HRH1: variants seen among roughly 807,000 people sequenced by gnomAD.
The protein encoded by HRH1 is histamine receptor H1, also known as histamine H1 receptor.
HRH1 carries 6 observed loss-of-function variants against 10.3 expected under a neutral mutation model. The observed-to-expected ratio is 0.58, with a 90% confidence interval of 0.32 to 1.15. The LOEUF (loss-of-function observed/expected upper bound fraction) is 1.15, where lower values mean the gene tolerates loss of function less well. Ranked by LOEUF, HRH1 falls within the 50% of genes most tolerant of loss-of-function variation. The pLI is 0.05. For synonymous variants in HRH1, 242 were observed against 236.7 expected, an observed-to-expected ratio of 1.02 and a Z score of -0.21; for missense variants, 514 against 615.3, an observed-to-expected ratio of 0.84 and a Z score of 1.74.
chr3:11,168,129 AT>A (rs1358838864), intron 1 of HRH1, among the ~76,000 whole-genome samples: 1 of 152,170 alleles, frequency 6.6e-6, no homozygotes, highest in East Asian at 1.9e-4. Flanking sequence ...GCATGCCCGT[AT>A]CTCAGTGGAA....
chr3:11,174,268 T>G (rs1937208368), intron 1 of HRH1, among the ~76,000 whole-genome samples: 1 of 152,192 alleles, frequency 6.6e-6, no homozygotes, highest in Non-Finnish European at 1.5e-5. Context: ...TGCTAGCACT[T>G]GATCAAGACC....
chr3:11,187,483 T>C (rs1937469039), intron 1 of HRH1, among the ~76,000 whole-genome samples: 1 of 152,074 alleles, frequency 6.6e-6, no homozygotes, highest in Non-Finnish European at 1.5e-5. Context: ...CCACTCAACG[T>C]TACTGAGCCC....
chr3:11,250,721 C>T (rs770535726), intron 1 of HRH1, among the ~76,000 whole-genome samples: 13 of 152,188 alleles, frequency 8.5e-5, no homozygotes, highest in Non-Finnish European at 1.5e-4. Context: ...TAAAAAGCAT[C>T]TCATAAGGGG....
intron 1 of HRH1, among the ~76,000 whole-genome samples, chr3:11,228,450 A>G (rs1938953273): frequency 6.6e-6 from 1 of 152,168 alleles, no homozygotes; most frequent in African/African-American, 2.4e-5. Flanking sequence ...AATCAAATCC[A>G]GGAGTGGTGA....
chr3:11,206,299 G>A (rs996454929), intron 1 of HRH1, among the ~76,000 whole-genome samples: 1 of 152,182 alleles, frequency 6.6e-6, no homozygotes, highest in East Asian at 1.9e-4. Flanking sequence ...TATATTTTTA[G>A]TAGAGACAGA....
intron 1 of HRH1, among the ~76,000 whole-genome samples, chr3:11,208,868 G>A (rs548305223): frequency 1.3e-5 from 2 of 152,274 alleles, no homozygotes; most frequent in East Asian, 3.9e-4. Flanking sequence ...CCTGTGGGAT[G>A]AAAGATTCTC....
rs564200855 is a variant in HRH1, at chr3:11,239,841, T to C, written c.-35-19162T>C. Among the ~76,000 whole-genome samples, 361 of 152,034 alleles carry C rather than the reference T, an allele frequency of 2.4e-3. 3 individuals are homozygous for C. Among genetic ancestry groups the C allele is most frequent in the Non-Finnish European group, 3.4e-3 (230 of 67,946 alleles). The stretch of plus-strand genomic sequence containing the variant: ...CCCCCCACCCCCACTTAACCCCACT[T>C]ATAAAATCTGGAGATTTTGCATGAA... On this transcript the variant is annotated intron_variant, in intron 1 of 1. Transcript: ENST00000431010.
chr3:11,249,402 C>CAA (rs4037602), intron 1 of HRH1, among the ~76,000 whole-genome samples: 2,227 of 71,768 alleles, frequency 0.031, 52 homozygotes, highest in Middle Eastern at 0.061. Flanking sequence ...GACTCTGTCT[C>CAA]AAAAAAAAAA....
At chr3:11,219,497 A>G (rs1263593124) in intron 1 of HRH1, among the ~76,000 whole-genome samples, 1 of 151,908 alleles carries the variant, frequency 6.6e-6, no homozygotes, top group African/African-American at 2.4e-5. Context: ...GCGGAGCACG[A>G]GGTCAGGAGT....
At chr3:11,209,733 T>G (rs781320664) in intron 1 of HRH1, among the ~76,000 whole-genome samples, 5 of 152,234 alleles carry the variant, frequency 3.3e-5, no homozygotes, top group African/African-American at 7.2e-5. Flanking sequence ...TCTTGCTGTG[T>G]CCTCACATAG....
At chr3:11,201,034 G>A (rs1937885598) in intron 1 of HRH1, among the ~76,000 whole-genome samples, 1 of 152,186 alleles carries the variant, frequency 6.6e-6, no homozygotes, top group South Asian at 2.1e-4. Flanking sequence ...TCAGAAAGAT[G>A]CCCCTGCCCT....
intron 1 of HRH1, among the ~76,000 whole-genome samples, chr3:11,196,571 A>G (rs1433110476): frequency 6.6e-6 from 1 of 152,120 alleles, no homozygotes; most frequent in Non-Finnish European, 1.5e-5. Context: ...TGATAGGGAC[A>G]TGCCTGTTTA....
At chr3:11,201,665 G>C (rs1937916178) in intron 1 of HRH1, among the ~76,000 whole-genome samples, 1 of 152,186 alleles carries the variant, frequency 6.6e-6, no homozygotes, top group Non-Finnish European at 1.5e-5. Flanking sequence ...TCGGAGAAGG[G>C]CTGTCTGAAA....
intron 1 of HRH1, among the ~76,000 whole-genome samples, chr3:11,195,702 C>T (rs965312630): frequency 2.3e-4 from 35 of 152,202 alleles, no homozygotes; most frequent in African/African-American, 7.5e-4. Flanking sequence ...TAAACCACCT[C>T]AAGGAGCTCC....
At chr3:11,239,758 C>T (rs560153744) in intron 1 of HRH1, among the ~76,000 whole-genome samples, 1 of 152,230 alleles carries the variant, frequency 6.6e-6, no homozygotes, top group South Asian at 2.1e-4. Flanking sequence ...TCTATCCCCT[C>T]CTCTATTTTA....
At chr3:11,181,653 A>G (rs1937355983) in intron 1 of HRH1, among the ~76,000 whole-genome samples, 1 of 105,274 alleles carries the variant, frequency 9.5e-6, no homozygotes, top group Non-Finnish European at 1.7e-5. Context: ...TTTTTTTGAG[A>G]CGGAGTCTCG....
chr3:11,174,293 A>C (rs1937208944), intron 1 of HRH1, among the ~76,000 whole-genome samples: 1 of 152,194 alleles, frequency 6.6e-6, no homozygotes, highest in Non-Finnish European at 1.5e-5. Flanking sequence ...TCCATGGCTC[A>C]CCTTCTAGGG....
chr3:11,246,820 C>T (rs1939503036), intron 1 of HRH1, among the ~76,000 whole-genome samples: 1 of 151,904 alleles, frequency 6.6e-6, no homozygotes, highest in Admixed American at 6.6e-5. Context: ...CTTAGGAGGG[C>T]AGATGGCTTG....
chr3:11,137,347 T>A (rs561497255), exon 1 of HRH1: 1 of 152,366 alleles, frequency 6.6e-6, no homozygotes, highest in African/African-American at 2.4e-5. Context: ...AGAAATGAAC[T>A]ACAAGAAGCA....
Sources: gnomAD v4.1 joint callset for allele counts (sites outside exome capture counted in the v4.1 genomes callset) on GRCh38, gnomAD v4.1.1 for gene constraint, MANE v1.5 for transcripts, NCBI Gene and HGNC (gene_info 2026-07-23, HGNC 2026-07-21) for gene names.